CSMD1: variants seen among roughly 807,000 people sequenced by gnomAD.
CSMD1 encodes CUB and Sushi multiple domains 1.
In CSMD1, 213 loss-of-function variants were observed where a neutral mutation model predicts 417.5. That is an observed-to-expected ratio of 0.51 (90% CI 0.46 to 0.57). The LOEUF (loss-of-function observed/expected upper bound fraction) is 0.57. Among genes scored for constraint, CSMD1 ranks in the 20% least tolerant of loss-of-function variants. The probability of loss-of-function intolerance (pLI) is 0.00; values close to 1 mark genes in which losing one functional copy is unlikely to be tolerated. For missense variants in CSMD1, 6,923 were observed against 4,529.7 expected (o/e 1.53, Z -15.17); for synonymous variants, 2,862 against 1,736.8 (o/e 1.65, Z -16.11).
chr8:3,232,216 A>G (rs1463091971), intron 26 of CSMD1, among the ~76,000 whole-genome samples: 1 of 152,194 alleles, frequency 6.6e-6, no homozygotes, highest in Admixed American at 6.5e-5. Context: ...AGTGACTATA[A>G]ATGTATGCAT....
chr8:4,437,239 G>A (rs1011205540), intron 2 of CSMD1, among the ~76,000 whole-genome samples: 1 of 152,140 alleles, frequency 6.6e-6, no homozygotes, highest in African/African-American at 2.4e-5. Context: ...TGAAGAACTG[G>A]TTCTGAAATT....
intron 5 of CSMD1, among the ~76,000 whole-genome samples, chr8:3,845,064 T>C (rs1803408158): frequency 6.6e-6 from 1 of 152,198 alleles, no homozygotes; most frequent in African/African-American, 2.4e-5. Flanking sequence ...GATTAGACTT[T>C]CATATTATAG....
At chr8:4,386,793 TA>T (rs1232592415) in intron 3 of CSMD1, among the ~76,000 whole-genome samples, 3 of 151,986 alleles carry the variant, frequency 2.0e-5, no homozygotes, top group Admixed American at 6.5e-5. Flanking sequence ...AGAGATACAA[TA>T]AAAAAATATT....
At chr8:4,617,471 A>T (rs1801535029) in intron 2 of CSMD1, among the ~76,000 whole-genome samples, 1 of 152,208 alleles carries the variant, frequency 6.6e-6, no homozygotes, top group Non-Finnish European at 1.5e-5. Flanking sequence ...TGCCAGAAAC[A>T]GAAAGGTAAA....
chr8:3,309,800 C>A (rs1805185481), intron 23 of CSMD1, among the ~76,000 whole-genome samples: 1 of 152,150 alleles, frequency 6.6e-6, no homozygotes, highest in Non-Finnish European at 1.5e-5. Flanking sequence ...AAAATGTATT[C>A]TTAACTTCAC....
chr8:3,877,684 C>T (rs1004630103), intron 5 of CSMD1, among the ~76,000 whole-genome samples: 1 of 123,276 alleles, frequency 8.1e-6, no homozygotes, highest in Non-Finnish European at 1.7e-5. Context: ...GAGCACATGG[C>T]TTGTACATTT....
chr8:2,986,521 G>C (rs1391802901), intron 54 of CSMD1, among the ~76,000 whole-genome samples: 1 of 151,256 alleles, frequency 6.6e-6, no homozygotes, highest in East Asian at 1.9e-4. Context: ...TATTTTTTTT[G>C]AGACAGAGTC....
At chr8:3,985,587 T>A (rs1370726928) in intron 5 of CSMD1, among the ~76,000 whole-genome samples, 1 of 152,146 alleles carries the variant, frequency 6.6e-6, no homozygotes, top group Admixed American at 6.5e-5. Flanking sequence ...TCACTTTATT[T>A]GAAGGGGCGC....
intron 3 of CSMD1, among the ~76,000 whole-genome samples, chr8:4,305,874 G>A (rs1378222071): frequency 4.6e-5 from 7 of 152,058 alleles, no homozygotes; most frequent in South Asian, 2.1e-4. Context: ...CTTTGCTTAC[G>A]TGTGTATATG....
chr8:4,180,433 G>C (rs937224894), intron 3 of CSMD1, among the ~76,000 whole-genome samples: 1 of 127,100 alleles, frequency 7.9e-6, no homozygotes, highest in Non-Finnish European at 1.6e-5. Context: ...GCTGTGGGGT[G>C]GGGGGAGGGG....
chr8:3,645,950 CATAAA>C (rs780354902), intron 7 of CSMD1, among the ~76,000 whole-genome samples: 3 of 151,310 alleles, frequency 2.0e-5, no homozygotes, highest in Non-Finnish European at 4.4e-5. Flanking sequence ...TCAACAGTAT[CATAAA>C]ATAATTAAAT....
chr8:3,765,908 C>T (rs1386164511), intron 5 of CSMD1, among the ~76,000 whole-genome samples: 1 of 152,212 alleles, frequency 6.6e-6, no homozygotes, highest in Non-Finnish European at 1.5e-5. Flanking sequence ...CCATCTCAAA[C>T]ATGACAGACT....
intron 3 of CSMD1, among the ~76,000 whole-genome samples, chr8:4,169,123 A>T (rs1004472826): frequency 6.6e-6 from 1 of 152,116 alleles, no homozygotes; most frequent in African/African-American, 2.4e-5. Flanking sequence ...CATCCCTGTA[A>T]GCTCACTGGT....
chr8:4,525,320 G>T (rs117159988), intron 2 of CSMD1, among the ~76,000 whole-genome samples: 1 of 152,030 alleles, frequency 6.6e-6, no homozygotes, highest in African/African-American at 2.4e-5. Flanking sequence ...CAAGGCTCCC[G>T]GCATGGGGAT....
rs1383324903 is a variant in CSMD1 at position 4,849,860 on chromosome 8, T to C, written c.85+144472A>G. On this transcript the variant is annotated intron_variant, in intron 1 of 69. Coordinates refer to ENST00000635120, the MANE Select transcript of CSMD1 (RefSeq NM_033225.6). ...TCCTCATTGTTATGTAACATGTAAC[T>C]GTATATGTTTTCATTGCTCATGGGT... Among the ~76,000 whole-genome samples, 26 of 152,220 alleles carry C rather than the reference T, an allele frequency of 1.7e-4. 1 individual carries two copies. Among genetic ancestry groups the C allele is most frequent in the Admixed American group, 1.6e-3 (25 of 15,286 alleles).
chr8:4,780,421 C>T (rs766143484), intron 1 of CSMD1, among the ~76,000 whole-genome samples: 36 of 152,118 alleles, frequency 2.4e-4, no homozygotes, highest in South Asian at 1.2e-3. Context: ...GTCGATCTGT[C>T]TGTCTGTCTG....
intron 6 of CSMD1, among the ~76,000 whole-genome samples, chr8:3,712,369 G>T (rs1178466376): frequency 2.2e-5 from 3 of 133,672 alleles, no homozygotes; most frequent in East Asian, 4.7e-4. Flanking sequence ...CATTTGCAAA[G>T]AAACAGGAGA....
chr8:3,338,199 A>C (rs1483394338), intron 23 of CSMD1, among the ~76,000 whole-genome samples: 2 of 152,144 alleles, frequency 1.3e-5, no homozygotes, highest in Admixed American at 1.3e-4. Flanking sequence ...CAGTTGTTGA[A>C]CCACACGTGT....
chr8:3,126,163 C>G (rs1486547100), intron 41 of CSMD1, among the ~76,000 whole-genome samples: 1 of 152,136 alleles, frequency 6.6e-6, no homozygotes, highest in Non-Finnish European at 1.5e-5. Context: ...CTCATTTCTT[C>G]ATTCATGAAA....
Sources: allele counts gnomAD v4.1 joint callset (sites outside exome capture counted in the v4.1 genomes callset), GRCh38; gene constraint gnomAD v4.1.1; transcripts MANE v1.5; gene names NCBI Gene and HGNC (gene_info 2026-07-23, HGNC 2026-07-21).